Variants in MBOAT1 observed in about 807,000 individuals in gnomAD.
MBOAT1 encodes membrane-bound glycerophospholipid O-acyltransferase 1.
Under a neutral mutation model 64.4 loss-of-function variants are expected in MBOAT1, and 67 were observed. That is an observed-to-expected ratio of 1.04 (90% CI 0.85 to 1.27). The LOEUF (loss-of-function observed/expected upper bound fraction) is 1.27. Ranked by LOEUF, MBOAT1 falls within the 50% of genes most tolerant of loss-of-function variation. The probability of loss-of-function intolerance (pLI) is 0.00; values close to 1 mark genes in which losing one functional copy is unlikely to be tolerated. For synonymous variants in MBOAT1, 229 were observed against 218.9 expected (o/e 1.05, Z -0.41); for missense variants, 563 against 604.6 (o/e 0.93, Z 0.72).
chr6:20,158,016 C>T (rs867295513), intron 1 of MBOAT1, among the ~76,000 whole-genome samples: 1 of 151,756 alleles, frequency 6.6e-6, no homozygotes, highest in South Asian at 2.1e-4. Flanking sequence ...ATTAGCCAGG[C>T]GTGATGGCAT....
Position 20,121,403 on chromosome 6 carries a change from A to C in MBOAT1, c.908-2863T>G, listed in dbSNP as rs140671338. Among the ~76,000 whole-genome samples, 1,206 of 152,334 alleles carry C rather than the reference A, an allele frequency of 7.9e-3. 7 individuals are homozygous for C. Among genetic ancestry groups the C allele is most frequent in the African/African-American group, 0.028 (1,145 of 41,558 alleles). On this transcript the variant is annotated intron_variant, in intron 8 of 12. Coordinates refer to ENST00000324607, the MANE Select transcript of MBOAT1 (RefSeq NM_001080480.3). ...AACAAACCTCAAATTGAGGCCATACAAATTAATCAAGTGTTTCTACTGAAG... is the reference window on the plus strand; with the variant it reads ...AACAAACCTCAAATTGAGGCCATACCAATTAATCAAGTGTTTCTACTGAAG...
intron 1 of MBOAT1, among the ~76,000 whole-genome samples, chr6:20,163,691 T>G (rs1761930454): frequency 6.6e-6 from 1 of 152,164 alleles, no homozygotes; most frequent in African/African-American, 2.4e-5. Flanking sequence ...TGACCTGGCC[T>G]GGGTCACACA....
At chr6:20,185,778 A>G (rs1272594844) in intron 1 of MBOAT1, among the ~76,000 whole-genome samples, 2 of 152,200 alleles carry the variant, frequency 1.3e-5, no homozygotes, top group African/African-American at 4.8e-5. Flanking sequence ...TAACCAACCT[A>G]TAAGACAAGT....
intron 4 of MBOAT1, among the ~76,000 whole-genome samples, chr6:20,143,840 C>G (rs1361821765): frequency 6.6e-6 from 1 of 152,134 alleles, no homozygotes; most frequent in East Asian, 1.9e-4. Flanking sequence ...CTGTAAAGAA[C>G]CAAATAGTAA....
chr6:20,202,025 G>A (rs2113771475), intron 1 of MBOAT1, among the ~76,000 whole-genome samples: 1 of 152,242 alleles, frequency 6.6e-6, no homozygotes, highest in African/African-American at 2.4e-5. Context: ...GGGTGGGGGA[G>A]TCTTAGGAAC....
chr6:20,113,569 C>T (rs1168679947), intron 10 of MBOAT1, among the ~76,000 whole-genome samples: 1 of 152,144 alleles, frequency 6.6e-6, no homozygotes, highest in East Asian at 1.9e-4. Flanking sequence ...GTTATGTGAC[C>T]TCTTCAGGTC....
intron 4 of MBOAT1, among the ~76,000 whole-genome samples, chr6:20,141,784 G>T: frequency 6.6e-6 from 1 of 152,088 alleles, no homozygotes; most frequent in East Asian, 1.9e-4. Flanking sequence ...GGCTTGGGGT[G>T]GTCCAGGGTG....
chr6:20,155,834 T>G (rs567709703), intron 1 of MBOAT1, among the ~76,000 whole-genome samples: 1 of 152,322 alleles, frequency 6.6e-6, no homozygotes, highest in Admixed American at 6.5e-5. Flanking sequence ...GCTATTCACT[T>G]TAACTCATCA....
chr6:20,113,657 A>C (rs1386071036), intron 10 of MBOAT1, among the ~76,000 whole-genome samples: 2 of 152,112 alleles, frequency 1.3e-5, no homozygotes, highest in East Asian at 3.9e-4. Flanking sequence ...ATGTCAGCAA[A>C]TACCCTGAGG....
At chr6:20,121,304 A>G (rs1760485514) in intron 8 of MBOAT1, among the ~76,000 whole-genome samples, 1 of 152,244 alleles carries the variant, frequency 6.6e-6, no homozygotes, top group African/African-American at 2.4e-5. Context: ...ATTCCCTGAT[A>G]CACTATTCAT....
chr6:20,162,396 G>C (rs1761890627), intron 1 of MBOAT1, among the ~76,000 whole-genome samples: 1 of 152,168 alleles, frequency 6.6e-6, no homozygotes, highest in African/African-American at 2.4e-5. Flanking sequence ...AGCCACTACA[G>C]ACAGCACCAG....
intron 1 of MBOAT1, among the ~76,000 whole-genome samples, chr6:20,171,904 T>A (rs931724108): frequency 1.3e-5 from 2 of 148,550 alleles, no homozygotes; most frequent in African/African-American, 5.0e-5. Flanking sequence ...TGTGGTGCGC[T>A]CACCTGTAGT....
rs866064810 is a variant in MBOAT1 at position 20,102,194 on chromosome 6, C to T, written c.*92G>A. On this transcript the variant is annotated 3_prime_UTR_variant, in exon 13 of 13. Coordinates refer to ENST00000324607, the MANE Select transcript of MBOAT1 (RefSeq NM_001080480.3). ...ACAAAATAAAGATGCATGTAAACAT[C>T]GCCTCTAAGCCACCGGAGGAGCCCT... 9 of 1,235,222 alleles carry T rather than the reference C, an allele frequency of 7.3e-6. No homozygotes were observed. The highest frequency in any genetic ancestry group is 2.1e-4 in the Middle Eastern group (1 of 4,838). 76.5% of individuals were successfully genotyped at this position (1,235,222 alleles called of 1,614,324 possible). A position where few individuals can be genotyped will look rare whatever the true frequency, so the allele number is the denominator to read the frequency against.
intron 1 of MBOAT1, among the ~76,000 whole-genome samples, chr6:20,184,579 A>T (rs1271221657): frequency 6.6e-6 from 1 of 152,092 alleles, no homozygotes; most frequent in Non-Finnish European, 1.5e-5. Context: ...GTGAGCAGTT[A>T]GCGTGTCTCC....
At chr6:20,132,583 G>A (rs1443555198) in intron 4 of MBOAT1, among the ~76,000 whole-genome samples, 1 of 152,094 alleles carries the variant, frequency 6.6e-6, no homozygotes, top group Middle Eastern at 3.2e-3. Flanking sequence ...AATTCAAAAT[G>A]GATCAAAGAC....
At chr6:20,118,931 A>G (rs1260631357) in intron 8 of MBOAT1, among the ~76,000 whole-genome samples, 3 of 152,228 alleles carry the variant, frequency 2.0e-5, no homozygotes, top group Non-Finnish European at 4.4e-5. Flanking sequence ...GAGTTCAAAT[A>G]CAGAGACAAG....
At chr6:20,155,490 G>A (rs1026969352) in intron 1 of MBOAT1, among the ~76,000 whole-genome samples, 8 of 152,166 alleles carry the variant, frequency 5.3e-5, no homozygotes, top group African/African-American at 1.9e-4. Flanking sequence ...TCTGGGCTTC[G>A]ATTCCTTTAT....
At chr6:20,107,833 C>G (rs62404791) in intron 12 of MBOAT1, among the ~76,000 whole-genome samples, 32 of 151,692 alleles carry the variant, frequency 2.1e-4, no homozygotes, top group African/African-American at 7.5e-4. Flanking sequence ...AATTCAAAAC[C>G]TAGGAGGACT....
At chr6:20,177,283 T>C (rs915143708) in intron 1 of MBOAT1, among the ~76,000 whole-genome samples, 23 of 152,336 alleles carry the variant, frequency 1.5e-4, no homozygotes, top group African/African-American at 5.3e-4. Context: ...ATAACAAATA[T>C]ATCTATTTCA....
Sources: gnomAD v4.1 joint callset for allele counts (sites outside exome capture counted in the v4.1 genomes callset) on GRCh38, gnomAD v4.1.1 for gene constraint, MANE v1.5 for transcripts, NCBI Gene and HGNC (gene_info 2026-07-23, HGNC 2026-07-21) for gene names.